The following RIN2 variants were observed in gnomAD, a reference collection of about 807,000 sequenced individuals.
RIN2 encodes the protein RAB5 interacting protein 2.
In RIN2, 36 loss-of-function variants were observed where a neutral mutation model predicts 78.0. That is an observed-to-expected ratio of 0.46 (90% CI 0.35 to 0.61). RIN2 has a LOEUF of 0.61. Ranked by LOEUF, RIN2 falls within the 20% of genes least tolerant of loss-of-function variation. The pLI is 0.00. For missense variants in RIN2, 1,087 were observed against 1,159.7 expected (o/e 0.94, Z 0.91); for synonymous variants, 466 against 466.8 (o/e 1.00, Z 0.02).
Position 19,815,992 on chromosome 20 carries a change from G to T in RIN2, c.-37+16245G>T, listed in dbSNP as rs1046064556. ...GATAAACGTCTTCTTTGGTTAAGAA[G>T]ATTTTGGGTCACACTTCTGCCTTCA... On this transcript the variant is annotated intron_variant, in intron 2 of 12. Coordinates refer to ENST00000255006, the MANE Select transcript of RIN2 (RefSeq NM_018993.4). Among the ~76,000 whole-genome samples the T allele has an allele frequency of 3.9e-5, 6 of 152,214 alleles. No homozygotes were observed. In the East Asian group the frequency reaches 9.6e-4, roughly 24 times the overall value.
At chr20:19,938,474 C>G (rs1417080625) in intron 4 of RIN2, among the ~76,000 whole-genome samples, 1 of 152,122 alleles carries the variant, frequency 6.6e-6, no homozygotes, top group East Asian at 1.9e-4. Context: ...ATCCTCCCAC[C>G]TCAGCCTCCC....
intron 9 of RIN2, among the ~76,000 whole-genome samples, chr20:19,984,945 G>T (rs532113745): frequency 1.1e-4 from 17 of 152,312 alleles, no homozygotes; most frequent in African/African-American, 3.8e-4. Context: ...AACTCAGTTA[G>T]GTTCAGACTG....
chr20:19,991,765 G>T (rs924808360), intron 10 of RIN2, among the ~76,000 whole-genome samples: 6 of 152,180 alleles, frequency 3.9e-5, no homozygotes, highest in African/African-American at 1.4e-4. Flanking sequence ...CATTATGTTT[G>T]TAAATAATGT....
At chr20:19,785,077 GC>G (rs1328116921) in intron 1 of RIN2, among the ~76,000 whole-genome samples, 1 of 152,052 alleles carries the variant, frequency 6.6e-6, no homozygotes, top group Non-Finnish European at 1.5e-5. Context: ...GGTAGAGGGC[GC>G]ATCTGAATCA....
intron 3 of RIN2, among the ~76,000 whole-genome samples, chr20:19,917,947 A>G (rs904814988): frequency 6.6e-6 from 1 of 152,254 alleles, no homozygotes; most frequent in African/African-American, 2.4e-5. Context: ...GTCAATTCCT[A>G]GAAGTAGAAA....
intron 2 of RIN2, among the ~76,000 whole-genome samples, chr20:19,855,493 T>A (rs1317611034): frequency 6.6e-6 from 1 of 152,150 alleles, no homozygotes; most frequent in Non-Finnish European, 1.5e-5. Flanking sequence ...AGAATTCAGT[T>A]GTGAATCCGT....
At position 20,002,133 on chromosome 20, in the gene RIN2, A is replaced by G. The variant is rs963647725; in HGVS notation, c.*1197A>G. On this transcript the variant is annotated 3_prime_UTR_variant, in exon 13 of 13. Transcript: ENST00000255006. ...GAAGAATTTGAAAATGCACAAAAAA[A>G]TCAATCTACATTATCAGAACCTGCA... is the stretch of plus-strand genomic sequence containing the variant. The G allele has an allele frequency of 1.3e-5, 2 of 151,734 alleles. No homozygotes were observed. Among genetic ancestry groups the G allele is most frequent in the Non-Finnish European group, 3.0e-5 (2 of 67,658 alleles). 9.4% of individuals were successfully genotyped at this position (151,734 alleles called of 1,614,324 possible).
intron 5 of RIN2, 37 bp from the exon 6 acceptor site, chr20:19,960,663 T>C (rs1318756159): frequency 2.8e-6 from 4 of 1,434,700 alleles, no homozygotes; most frequent in Non-Finnish European, 3.9e-6. Context: ...ACATTCTAGA[T>C]ATTTCCTAAA....
At chr20:19,873,877 T>C (rs560660791) in intron 2 of RIN2, among the ~76,000 whole-genome samples, 1 of 152,172 alleles carries the variant, frequency 6.6e-6, no homozygotes, top group Non-Finnish European at 1.5e-5. Context: ...TATTTGTGAC[T>C]CCCAAATCAA....
At chr20:19,953,077 G>A (rs551250711) in intron 4 of RIN2, among the ~76,000 whole-genome samples, 2 of 152,180 alleles carry the variant, frequency 1.3e-5, no homozygotes, top group African/African-American at 2.4e-5. Flanking sequence ...TCTCAAGTTT[G>A]ACAAATACTG....
chr20:19,804,810 G>A (rs990030107), intron 2 of RIN2, among the ~76,000 whole-genome samples: 6 of 152,154 alleles, frequency 3.9e-5, no homozygotes, highest in South Asian at 2.1e-4. Flanking sequence ...AGAACTCAGC[G>A]GTAAATCCAT....
chr20:19,996,861 C>A lies in RIN2; in HGVS notation c.2364+19C>A, dbSNP rs1230974836. 8 of 1,556,384 alleles carry A rather than the reference C, an allele frequency of 5.1e-6. No individual in the cohort carries two copies. The African/African-American group carries it at 9.5e-5, about 19-fold the overall frequency. ...CTTCCAGGTGTGCAGCTGGCCACCC[C>A]TTTGCTTCCTTCGTCCTCCAGGAAT... On this transcript the variant is annotated intron_variant, in intron 12 of 12. Transcript: ENST00000255006.
intron 3 of RIN2, among the ~76,000 whole-genome samples, chr20:19,921,121 T>C (rs925845532): frequency 6.6e-6 from 1 of 152,166 alleles, no homozygotes; most frequent in African/African-American, 2.4e-5. Context: ...CCATGTGTGG[T>C]GAGGAGTGCC....
chr20:19,958,704 A>G (rs2041636884), intron 5 of RIN2, among the ~76,000 whole-genome samples: 1 of 152,224 alleles, frequency 6.6e-6, no homozygotes, highest in South Asian at 2.1e-4. Context: ...CCCCGTCTCT[A>G]CTAAAAATAC....
intron 2 of RIN2, among the ~76,000 whole-genome samples, chr20:19,853,569 A>G (rs1244675540): frequency 2.6e-5 from 4 of 151,618 alleles, no homozygotes; most frequent in African/African-American, 7.3e-5. Flanking sequence ...TTTAATGATC[A>G]CCATTCTAAC....
chr20:19,864,158 T>C (rs1246064291), intron 2 of RIN2, among the ~76,000 whole-genome samples: 2 of 151,734 alleles, frequency 1.3e-5, no homozygotes, highest in African/African-American at 2.4e-5. Context: ...TGGGAAACAA[T>C]AGTTTGCAAG....
At chr20:19,866,635 T>C (rs2037516836) in intron 2 of RIN2, among the ~76,000 whole-genome samples, 1 of 152,114 alleles carries the variant, frequency 6.6e-6, no homozygotes, top group South Asian at 2.1e-4. Flanking sequence ...TTTTATTTTA[T>C]TTATTTTGAG....
chr20:19,812,950 C>T (rs2122822507), intron 2 of RIN2, among the ~76,000 whole-genome samples: 1 of 152,304 alleles, frequency 6.6e-6, no homozygotes, highest in East Asian at 1.9e-4. Context: ...AGCATTGTCC[C>T]TTTGGGTCTG....
At chr20:19,888,627 C>G (rs1004440856) in intron 2 of RIN2, among the ~76,000 whole-genome samples, 4 of 152,212 alleles carry the variant, frequency 2.6e-5, no homozygotes, top group African/African-American at 7.2e-5. Context: ...TTGGCATGAG[C>G]TACCTCCTGT....
Sources: allele counts gnomAD v4.1 joint callset (sites outside exome capture counted in the v4.1 genomes callset), GRCh38; gene constraint gnomAD v4.1.1; transcripts MANE v1.5; gene names NCBI Gene and HGNC (gene_info 2026-07-23, HGNC 2026-07-21).